LPCAT1: variants seen among roughly 807,000 people sequenced by gnomAD.
LPCAT1 encodes lysophosphatidylcholine acyltransferase 1.
In LPCAT1, 23 loss-of-function variants were observed where a neutral mutation model predicts 60.9. The observed-to-expected ratio is 0.38, with a 90% CI of 0.27 to 0.53. LPCAT1 has a LOEUF of 0.53. LPCAT1 is among the 20% of genes least tolerant of loss of function. The pLI is 0.82. For synonymous variants in LPCAT1, 340 were observed against 301.1 expected (o/e 1.13, Z -1.34); for missense variants, 622 against 723.6 (o/e 0.86, Z 1.61).
chr5:1,470,685 C>G lies in LPCAT1; in HGVS notation c.1278+141G>C, dbSNP rs992767644. The G allele has an allele frequency of 6.8e-6, 4 of 590,134 alleles. No individual in the cohort carries two copies. The Admixed American group carries it at 1.4e-4, about 21-fold the overall frequency. The allele number at this position is 590,134 out of a possible 1,614,324, so 36.6% of individuals were successfully genotyped here. On this transcript the variant is annotated intron_variant, in intron 12 of 13. Coordinates refer to ENST00000283415, the MANE Select transcript of LPCAT1 (RefSeq NM_024830.5). ...TGGGCATTTTACAAACAACAGCTAG[C>G]ATAAAAAGCTTACGTAAAAATAGCA...
chr5:1,498,672 CAT>C lies in LPCAT1; in HGVS notation c.278+2787_278+2788del, dbSNP rs537438926. Among the ~76,000 whole-genome samples the C allele has an allele frequency of 1.2e-3, 190 of 152,220 alleles. 1 individual carries two copies. The Middle Eastern group carries it at 0.014, about 11-fold the overall frequency. ...TACACAGAGACACAACACTCATACA[CAT>C]GTACATACTGTCATACACGTACATG... On this transcript the variant is annotated intron_variant, in intron 2 of 13. Coordinates refer to ENST00000283415, the MANE Select transcript of LPCAT1 (RefSeq NM_024830.5).
chr5:1,508,385 T>TA (rs1163426280), intron 1 of LPCAT1, among the ~76,000 whole-genome samples: 3 of 152,108 alleles, frequency 2.0e-5, no homozygotes, highest in Non-Finnish European at 2.9e-5. Context: ...AAGGGGCTGT[T>TA]AGAGAGGTGA....
rs1247757352 is a variant in LPCAT1 at position 1,522,939 on chromosome 5, G to C, written c.135+771C>G. The stretch of plus-strand genomic sequence containing the variant: ...GCGGCCCCCTCCCCACGACGCCCCC[G>C]GGTCTCCCCTCACCACTGTCCCATC... On this transcript the variant is annotated intron_variant, in intron 1 of 13. Transcript: ENST00000283415. The surrounding 1 kb of genome is among the most constrained non-coding windows in gnomAD (Gnocchi z 6.8). Among the ~76,000 whole-genome samples, 2 of 152,112 alleles carry C rather than the reference G, an allele frequency of 1.3e-5. No homozygotes were observed. The highest frequency in any genetic ancestry group is 4.8e-5 in the African/African-American group (2 of 41,426).
Position 1,483,240 on chromosome 5 carries a change from A to T in LPCAT1, c.726+188T>A, listed in dbSNP as rs1045443131. On this transcript the variant is annotated intron_variant, in intron 6 of 13. Transcript: ENST00000283415. The surrounding 1 kb of genome is among the most constrained non-coding windows in gnomAD (Gnocchi z 9.2). ...ACAGGCCGCACTCAGGAACGTGCCGAGCCCAGGGCCCGGGCCTGTCCTGCC... is the reference window on the plus strand; with the variant it reads ...ACAGGCCGCACTCAGGAACGTGCCGTGCCCAGGGCCCGGGCCTGTCCTGCC... 3.3e-5 allele frequency among the ~76,000 whole-genome samples: 5 copies of T among 152,236 alleles called. 1 individual carries two copies. The South Asian group carries it at 1.0e-3, about 32-fold the overall frequency.
At chr5:1,492,551 C>T (rs1367476557) in intron 3 of LPCAT1, among the ~76,000 whole-genome samples, 1 of 136,042 alleles carries the variant, frequency 7.4e-6, no homozygotes, top group Non-Finnish European at 1.6e-5. Flanking sequence ...AAGCTTGTCA[C>T]TATCCTCTCC....
At chr5:1,489,270 A>G (rs140156188) in intron 4 of LPCAT1, among the ~76,000 whole-genome samples, 184 of 152,352 alleles carry the variant, frequency 1.2e-3, no homozygotes, top group African/African-American at 4.3e-3. Context: ...TCCAGCTTCT[A>G]ATGATGGCTC....
chr5:1,486,935 CA>C (rs1735391965), intron 5 of LPCAT1, among the ~76,000 whole-genome samples: 1 of 152,226 alleles, frequency 6.6e-6, no homozygotes, highest in African/African-American at 2.4e-5. Context: ...GGACTGCACA[CA>C]GTGAGCTCCT....
chr5:1,480,817 C>G lies in LPCAT1; in HGVS notation c.761+125G>C. ...GTTTAGTTTTCACAATGGGCTGAACCTAACGGCTGTCCCACACCTGCTTTC... is the reference window on the plus strand; with the variant it reads ...GTTTAGTTTTCACAATGGGCTGAACGTAACGGCTGTCCCACACCTGCTTTC... On this transcript the variant is annotated intron_variant, in intron 7 of 13. Transcript: ENST00000283415. This position sits in a 1 kb window ranked among gnomAD's most constrained non-coding sequence, Gnocchi z 6.4. 1 of 1,173,842 alleles carries G rather than the reference C, an allele frequency of 8.5e-7. No individual in the cohort carries two copies. Among genetic ancestry groups the G allele is most frequent in the South Asian group, 1.2e-5 (1 of 81,992 alleles). 72.7% of individuals were successfully genotyped at this position (1,173,842 alleles called of 1,614,324 possible).
Position 1,477,779 on chromosome 5 carries a change from G to A in LPCAT1, c.817-293C>T, listed in dbSNP as rs1370102553. On this transcript the variant is annotated intron_variant, in intron 8 of 13. Transcript: ENST00000283415. This position sits in a 1 kb window ranked among gnomAD's most constrained non-coding sequence, Gnocchi z 6.0. Reference sequence around the variant, plus strand: ...TACACTCACCCCCGTCAGTGCTCCTGGGAGCGCCTGCTGCCTACATCAGAA... The same window carrying A: ...TACACTCACCCCCGTCAGTGCTCCTAGGAGCGCCTGCTGCCTACATCAGAA... Among the ~76,000 whole-genome samples the A allele has an allele frequency of 4.5e-4, 57 of 127,172 alleles. No individual in the cohort carries two copies. The highest frequency in any genetic ancestry group is 1.5e-3 in the East Asian group (6 of 4,070). 83.4% of individuals were successfully genotyped at this position (127,172 alleles called of 152,430 possible). A position where few individuals can be genotyped will look rare whatever the true frequency, so the allele number is the denominator to read the frequency against.
At chr5:1,464,518 A>G (rs1015166910) in intron 13 of LPCAT1, among the ~76,000 whole-genome samples, 1 of 152,214 alleles carries the variant, frequency 6.6e-6, no homozygotes, top group Non-Finnish European at 1.5e-5. Flanking sequence ...ACCAAGGAGC[A>G]TTGCACACTT....
At chr5:1,513,691 C>G (rs968092182) in intron 1 of LPCAT1, among the ~76,000 whole-genome samples, 1 of 150,838 alleles carries the variant, frequency 6.6e-6, no homozygotes, top group African/African-American at 2.5e-5. Flanking sequence ...GGCGGGACAC[C>G]CTGCGATTAC....
chr5:1,486,923 C>T (rs1560970235), intron 5 of LPCAT1, among the ~76,000 whole-genome samples: 1 of 152,214 alleles, frequency 6.6e-6, no homozygotes, highest in Admixed American at 6.5e-5. Flanking sequence ...AGCGCCCTTC[C>T]TGGACTGCAC....
chr5:1,489,435 T>A (rs969237612), intron 4 of LPCAT1, among the ~76,000 whole-genome samples: 4 of 152,216 alleles, frequency 2.6e-5, no homozygotes, highest in African/African-American at 9.6e-5. Flanking sequence ...GGCTGACACA[T>A]CAACTCCAAA....
intron 2 of LPCAT1, among the ~76,000 whole-genome samples, chr5:1,497,578 C>A (rs146205839): frequency 1.3e-5 from 2 of 152,350 alleles, no homozygotes; most frequent in East Asian, 3.9e-4. Flanking sequence ...TGGTGATCCA[C>A]GTGGACTGGC....
At chr5:1,464,691 T>C (rs1467114010) in intron 13 of LPCAT1, among the ~76,000 whole-genome samples, 1 of 117,378 alleles carries the variant, frequency 8.5e-6, no homozygotes, top group African/African-American at 3.6e-5. Context: ...AACAAACACA[T>C]GCGTGCACAC....
intron 5 of LPCAT1, among the ~76,000 whole-genome samples, chr5:1,485,868 G>C (rs954647696): frequency 1.3e-5 from 2 of 152,236 alleles, no homozygotes; most frequent in African/African-American, 2.4e-5. Flanking sequence ...GGAGGCCACT[G>C]TGGCCCAGTG....
chr5:1,482,557 T>G (rs1350221237), intron 6 of LPCAT1, among the ~76,000 whole-genome samples: 1 of 9,816 alleles, frequency 1.0e-4, no homozygotes. Context: ...CAGGGTGGGG[T>G]GGGGTAGGGT....
intron 2 of LPCAT1, among the ~76,000 whole-genome samples, chr5:1,497,106 A>AGG (rs1318452304): frequency 6.6e-6 from 1 of 152,226 alleles, no homozygotes; most frequent in Admixed American, 6.5e-5. Context: ...GCATCAGAAG[A>AGG]GGGGTGCAAA....
chr5:1,466,727 G>C (rs765070215), intron 13 of LPCAT1, 22 bp downstream of exon 13: 14 of 1,593,824 alleles, frequency 8.8e-6, no homozygotes, highest in Non-Finnish European at 1.1e-5. Context: ...TCGCGAGGAC[G>C]ACCCCACTCC....
Sources: allele counts gnomAD v4.1 joint callset (sites outside exome capture counted in the v4.1 genomes callset), GRCh38; gene constraint gnomAD v4.1.1; non-coding constraint Gnocchi (gnomAD v3.1); transcripts MANE v1.5; gene names NCBI Gene and HGNC (gene_info 2026-07-23, HGNC 2026-07-21).